Variants in CD99L2 observed in about 807,000 individuals in gnomAD.
The protein encoded by CD99L2 is CD99 antigen-like protein 2.
In CD99L2, 24 loss-of-function variants were observed where a neutral mutation model predicts 27.3. The observed-to-expected ratio is 0.88, with a 90% CI of 0.64 to 1.24. The LOEUF (loss-of-function observed/expected upper bound fraction) is 1.24. Ranked by LOEUF, CD99L2 falls within the 50% of genes most tolerant of loss-of-function variation. The pLI is 0.00. For synonymous variants in CD99L2, 97 were observed against 87.9 expected (o/e 1.10, Z -0.58); for missense variants, 255 against 221.6 (o/e 1.15, Z -0.96).
intron 2 of CD99L2, among the ~76,000 whole-genome samples, chrX:150,825,078 G>T (rs1407520859): frequency 8.9e-6 from 1 of 111,780 alleles, no homozygotes; most frequent in African/African-American, 3.3e-5. Flanking sequence ...AGATAATTTT[G>T]TCTCTAATTT....
intron 10 of CD99L2, among the ~76,000 whole-genome samples, chrX:150,769,941 A>G (rs2043407592): frequency 8.8e-6 from 1 of 113,031 alleles, no homozygotes; most frequent in South Asian, 3.6e-4. Flanking sequence ...CAATTTGCAA[A>G]GGGAAAAGTT....
chrX:150,808,843 A>C (rs1475755318), intron 4 of CD99L2, among the ~76,000 whole-genome samples: 1 of 111,154 alleles, frequency 9.0e-6, no homozygotes, highest in Non-Finnish European at 1.9e-5. Flanking sequence ...GTAAAGAAGG[A>C]AGCAGCCGCG....
intron 2 of CD99L2, among the ~76,000 whole-genome samples, chrX:150,824,361 G>GGAAGAA (rs781975495): frequency 0.013 from 1,088 of 81,184 alleles, 69 homozygotes; most frequent in African/African-American, 0.051. Flanking sequence ...GAAGGAAGAA[G>GGAAGAA]GAAGAAGAAG....
At position 150,893,724 on chromosome X, in the gene CD99L2, T is replaced by C. The variant is rs185872297; in HGVS notation, c.67+4798A>G. 6.4e-5 allele frequency among the ~76,000 whole-genome samples: 7 copies of C among 110,040 alleles called. No homozygotes were observed. The East Asian group carries it at 2.0e-3, about 32-fold the overall frequency. The stretch of plus-strand genomic sequence containing the variant: ...CAGTTCCCATACAACTCAGCCCTTT[T>C]TTTTGTTTTGAGACAGAGTCTCGCT... On this transcript the variant is annotated intron_variant, in intron 1 of 10. Transcript: ENST00000370377.
At chrX:150,816,984 G>A (rs1817625728) in intron 2 of CD99L2, among the ~76,000 whole-genome samples, 1 of 94,895 alleles carries the variant, frequency 1.1e-5, no homozygotes, top group Admixed American at 1.2e-4. Context: ...ACTCATAGGT[G>A]GGAATTGAAC....
chrX:150,870,081 G>C (rs1739222944), intron 1 of CD99L2, among the ~76,000 whole-genome samples: 1 of 111,867 alleles, frequency 8.9e-6, no homozygotes, highest in South Asian at 3.7e-4. Flanking sequence ...TGAGATTAAA[G>C]AACAGCCTGC....
chrX:150,810,865 A>G (rs782074612), intron 4 of CD99L2, among the ~76,000 whole-genome samples: 68 of 111,700 alleles, frequency 6.1e-4, no homozygotes, highest in Non-Finnish European at 8.3e-4. Context: ...GAAATGGACA[A>G]ACTCCTAGAA....
chrX:150,777,608 T>C, intron 7 of CD99L2, 126 bp from the exon 8 acceptor site: 1 of 684,122 alleles, frequency 1.5e-6, no homozygotes, highest in Non-Finnish European at 2.2e-6. Flanking sequence ...CCCCCACCAG[T>C]GGATCACCCG....
At chrX:150,883,306 C>T (rs1229092993) in intron 1 of CD99L2, among the ~76,000 whole-genome samples, 3 of 112,292 alleles carry the variant, frequency 2.7e-5, no homozygotes, top group African/African-American at 6.5e-5. Context: ...GCTCTGAGGA[C>T]ATCTGCCAAT....
At chrX:150,891,929 G>A (rs1444920470) in intron 1 of CD99L2, among the ~76,000 whole-genome samples, 1 of 111,888 alleles carries the variant, frequency 8.9e-6, no homozygotes, top group Admixed American at 9.5e-5. Flanking sequence ...ACCTAAGAGT[G>A]AGCCAGGCGT....
chrX:150,883,739 C>T (rs182448162), intron 1 of CD99L2, among the ~76,000 whole-genome samples: 1 of 110,783 alleles, frequency 9.0e-6, no homozygotes, highest in Admixed American at 9.7e-5. Flanking sequence ...ACCAAGCACA[C>T]GAGGAAATAA....
intron 1 of CD99L2, among the ~76,000 whole-genome samples, chrX:150,877,835 T>TA (rs2047253538): frequency 9.2e-6 from 1 of 108,391 alleles, no homozygotes; most frequent in African/African-American, 3.4e-5. Flanking sequence ...AAAACAACAC[T>TA]AAAAATACAC....
intron 1 of CD99L2, among the ~76,000 whole-genome samples, chrX:150,867,194 G>A (rs1352227145): frequency 2.7e-5 from 3 of 111,191 alleles, no homozygotes; most frequent in African/African-American, 9.8e-5. Flanking sequence ...CAGATCACTC[G>A]AGTCCAGGAG....
At chrX:150,816,594 T>C (rs1557420495) in intron 2 of CD99L2, 1 of 117,960 alleles carries the variant, frequency 8.5e-6, no homozygotes, top group East Asian at 2.7e-4. Context: ...TTTACACCAT[T>C]GGTGGGACTG....
chrX:150,849,949 T>C (rs2046764567), intron 1 of CD99L2, among the ~76,000 whole-genome samples: 1 of 111,465 alleles, frequency 9.0e-6, no homozygotes, highest in African/African-American at 3.3e-5. Flanking sequence ...CAGTTCTATA[T>C]AATATAAATT....
chrX:150,798,374 A>G (rs1387146026), intron 4 of CD99L2, among the ~76,000 whole-genome samples: 1 of 109,888 alleles, frequency 9.1e-6, no homozygotes, highest in African/African-American at 3.3e-5. Context: ...GCCCAGATAT[A>G]AACCCTTGCA....
Position 150,777,461 on chromosome X carries a change from T to C in CD99L2, c.518A>G (p.Asn173Ser), listed in dbSNP as rs782738455. 4.2e-5 allele frequency: 51 copies of C among 1,210,478 alleles called. 1 individual carries two copies. The Admixed American group carries it at 9.2e-4, about 22-fold the overall frequency. ...KGKGDGRYGS[N>S]DDPGSGMVAE... ...AAACCCACCAGATCCAGGGTCGTCA[T>C]TGCTGCCGTACCGGCCATCACCTGA... The change falls in exon 8 of 11, where the codon AAT (asparagine) becomes AGT (serine). Residue 173 changes from asparagine to serine, a missense_variant. Coordinates refer to ENST00000370377, the MANE Select transcript of CD99L2 (RefSeq NM_031462.4).
Position 150,769,023 on chromosome X carries a change from G to A in CD99L2, c.*11C>T, listed in dbSNP as rs1182148410. 3 of 1,145,492 alleles carry A rather than the reference G, an allele frequency of 2.6e-6. No homozygotes were observed. Among genetic ancestry groups the A allele is most frequent in the African/African-American group, 3.8e-5 (2 of 52,931 alleles). 94.4% of individuals were successfully genotyped at this position (1,145,492 alleles called of 1,213,427 possible). On this transcript the variant is annotated 3_prime_UTR_variant, in exon 11 of 11. Coordinates refer to ENST00000370377, the MANE Select transcript of CD99L2 (RefSeq NM_031462.4). ...GGCACCATTGTGCATGCCTGCAGCTGGACAGGGCCCTCAGATCCGGGCTGG... is the reference window on the plus strand; with the variant it reads ...GGCACCATTGTGCATGCCTGCAGCTAGACAGGGCCCTCAGATCCGGGCTGG...
chrX:150,813,536 C>A (rs534441676), intron 4 of CD99L2, among the ~76,000 whole-genome samples: 15 of 112,141 alleles, frequency 1.3e-4, no homozygotes, highest in African/African-American at 4.9e-4. Flanking sequence ...AATAAGTGAA[C>A]ATGGTTTTAA....
Sources: allele counts gnomAD v4.1 joint callset (sites outside exome capture counted in the v4.1 genomes callset), GRCh38; gene constraint gnomAD v4.1.1; transcripts MANE v1.5; gene names NCBI Gene and HGNC (gene_info 2026-07-23, HGNC 2026-07-21).